DISP1: variants seen among roughly 807,000 people sequenced by gnomAD.
The protein encoded by DISP1 is dispatched RND transporter family member 1, also known as protein dispatched homolog 1.
DISP1 carries 30 observed loss-of-function variants against 37.3 expected under a neutral mutation model. The ratio of observed to expected loss-of-function variants is 0.80; its 90% confidence interval spans 0.60 to 1.09. DISP1 has a LOEUF of 1.09. Among genes scored for constraint, DISP1 ranks in the 50% least tolerant of loss-of-function variants. The probability of loss-of-function intolerance (pLI) is 0.00; values close to 1 mark genes in which losing one functional copy is unlikely to be tolerated. For synonymous variants in DISP1, 634 were observed against 690.2 expected (o/e 0.92, Z 1.28); for missense variants, 1,598 against 1,879.5 (o/e 0.85, Z 2.77).
Position 222,949,270 on chromosome 1 carries a change from T to G in DISP1, c.509+5938T>G, listed in dbSNP as rs536519002. 1.7e-3 allele frequency among the ~76,000 whole-genome samples: 257 copies of G among 152,162 alleles called. 7 individuals carry two copies. The South Asian group carries it at 0.051, about 30-fold the overall frequency. ...TTAGCCTGGTGTGGTGGTGCGCACC[T>G]GTAGTCCCAGCTACTTGGGAGGCTG... On this transcript the variant is annotated intron_variant, in intron 3 of 8. Coordinates refer to ENST00000675850, the MANE Select transcript of DISP1 (RefSeq NM_001377229.1).
chr1:222,832,853 G>C (rs34761499), intron 1 of DISP1, among the ~76,000 whole-genome samples: 2 of 151,138 alleles, frequency 1.3e-5, no homozygotes, highest in Non-Finnish European at 2.9e-5. Context: ...CCGAGGTCAC[G>C]CCACTGCACT....
rs17536730 is a variant in DISP1, at chr1:222,933,412, A to G, written c.-18+4842A>G. Among the ~76,000 whole-genome samples the G allele has an allele frequency of 2.4e-3, 369 of 152,030 alleles. 2 individuals carry two copies. Among genetic ancestry groups the G allele is most frequent in the East Asian group, 0.013 (69 of 5,188 alleles). Reference sequence around the variant, plus strand: ...AAAGGTGGTGCTTATCATAAGTTGAAACTACCCATAAATTGAATAATAAGA... The same window carrying G: ...AAAGGTGGTGCTTATCATAAGTTGAGACTACCCATAAATTGAATAATAAGA... On this transcript the variant is annotated intron_variant, in intron 2 of 8. Coordinates refer to ENST00000675850, the MANE Select transcript of DISP1 (RefSeq NM_001377229.1).
chr1:222,951,390 G>C (rs1426849387), intron 3 of DISP1, among the ~76,000 whole-genome samples: 1 of 72,232 alleles, frequency 1.4e-5, no homozygotes, highest in Non-Finnish European at 2.7e-5. Context: ...TAAGAAATGA[G>C]AATTCTCATG....
At chr1:222,943,503 C>A in intron 3 of DISP1, 171 bp downstream of exon 3, 1 of 826,138 alleles carries the variant, frequency 1.2e-6, no homozygotes, top group Non-Finnish European at 1.9e-6. Context: ...TAAAATAATA[C>A]TGTATATCGA....
intron 8 of DISP1, among the ~76,000 whole-genome samples, chr1:222,995,376 A>G (rs983665503): frequency 6.6e-6 from 1 of 152,138 alleles, no homozygotes; most frequent in Admixed American, 6.5e-5. Flanking sequence ...TAATTGTGCA[A>G]TGAAATGCCT....
intron 3 of DISP1, among the ~76,000 whole-genome samples, chr1:222,976,066 A>G (rs1042837908): frequency 1.3e-5 from 2 of 152,178 alleles, no homozygotes; most frequent in Non-Finnish European, 2.9e-5. Flanking sequence ...CAAAGAACAG[A>G]AAAATGTTCC....
At chr1:222,944,486 T>C (rs144885052) in intron 3 of DISP1, among the ~76,000 whole-genome samples, 119 of 152,300 alleles carry the variant, frequency 7.8e-4, no homozygotes, top group Middle Eastern at 3.4e-3. Flanking sequence ...TCTTTAAAAT[T>C]AGGGTATAAT....
At position 223,004,129 on chromosome 1, in the gene DISP1, G is replaced by A. The variant is rs1679695978; in HGVS notation, c.2732G>A (p.Gly911Glu). The A allele has an allele frequency of 6.2e-7, 1 of 1,614,012 alleles. No individual in the cohort carries two copies. ...TACCATTTGGATAGCAAAACCCCAGGGCCGAGGTTTGATATCAATGATACT... is the reference window on the plus strand; with the variant it reads ...TACCATTTGGATAGCAAAACCCCAGAGCCGAGGTTTGATATCAATGATACT... Reference protein sequence around the residue: ...TGYHLDSKTPGPRFDINDTIR... With the variant: ...TGYHLDSKTPEPRFDINDTIR... The change falls in exon 9 of 9, where the codon GGG (glycine) becomes GAG (glutamate). Residue 911 changes from glycine (G) to glutamate (E), a missense_variant. Coordinates refer to ENST00000675850, the MANE Select transcript of DISP1 (RefSeq NM_001377229.1). This position sits in a 1 kb window ranked among gnomAD's most constrained non-coding sequence, Gnocchi z 4.9.
chr1:222,935,537 GT>G (rs1169524552), intron 2 of DISP1, among the ~76,000 whole-genome samples: 2 of 152,136 alleles, frequency 1.3e-5, no homozygotes, highest in Non-Finnish European at 2.9e-5. Flanking sequence ...TGCCACCCCT[GT>G]TTTTCCAGAG....
Position 222,943,303 on chromosome 1 carries a change from G to A in DISP1, c.480G>A (p.Gln160=). 2 of 1,614,222 alleles carry A rather than the reference G, an allele frequency of 1.2e-6. No homozygotes were observed. The highest frequency in any genetic ancestry group is 2.2e-5 in the East Asian group (1 of 44,884). The change falls in exon 3 of 9, where the codon CAG becomes CAA. Residue 160 remains glutamine (Q), a synonymous_variant. Coordinates refer to ENST00000675850, the MANE Select transcript of DISP1 (RefSeq NM_001377229.1). ...CGTGGCCTGACCATTTTCAGCATCAGCCTGTGCAACAGCACATAGCCAACA... is the reference window on the plus strand; with the variant it reads ...CGTGGCCTGACCATTTTCAGCATCAACCTGTGCAACAGCACATAGCCAACA... ...HHPWPDHFQH[Q]PVQQHIANIR... is the part of the protein sequence containing the mutation.
At chr1:222,841,718 A>G (rs1328845746) in intron 1 of DISP1, among the ~76,000 whole-genome samples, 1 of 152,126 alleles carries the variant, frequency 6.6e-6, no homozygotes, top group Non-Finnish European at 1.5e-5. Context: ...TTTTATTTTT[A>G]AAAGTGATAT....
intron 8 of DISP1, among the ~76,000 whole-genome samples, chr1:223,000,609 G>C (rs2102786483): frequency 6.6e-6 from 1 of 152,240 alleles, no homozygotes; most frequent in African/African-American, 2.4e-5. Flanking sequence ...TACAAAAGTA[G>C]AGAAATAGTA....
At chr1:222,886,129 C>CGACACGT (rs1267986772) in intron 1 of DISP1, among the ~76,000 whole-genome samples, 1 of 152,160 alleles carries the variant, frequency 6.6e-6, no homozygotes, top group Non-Finnish European at 1.5e-5. Flanking sequence ...GACCTTTCAG[C>CGACACGT]GACACGTTTC....
At chr1:222,962,349 A>G (rs1676132142) in intron 3 of DISP1, among the ~76,000 whole-genome samples, 1 of 152,198 alleles carries the variant, frequency 6.6e-6, no homozygotes, top group Non-Finnish European at 1.5e-5. Flanking sequence ...AAATGGCCAT[A>G]CTACCCAAAG....
intron 3 of DISP1, among the ~76,000 whole-genome samples, chr1:222,961,630 A>G (rs559099886): frequency 1.1e-4 from 16 of 152,338 alleles, no homozygotes; most frequent in African/African-American, 3.6e-4. Flanking sequence ...CAAGCAGGCA[A>G]GAGAAAGAAA....
Position 222,943,305 on chromosome 1 carries a change from C to T in DISP1, c.482C>T (p.Pro161Leu). The change falls in exon 3 of 9, where the codon CCT (proline) becomes CTT (leucine). Residue 161 changes from proline to leucine, a missense_variant. Transcript: ENST00000675850. ...HPWPDHFQHQPVQQHIANIRP... is the reference protein window; with the variant it reads ...HPWPDHFQHQLVQQHIANIRP... Reference sequence around the variant, plus strand: ...TGGCCTGACCATTTTCAGCATCAGCCTGTGCAACAGCACATAGCCAACATA... The same window carrying T: ...TGGCCTGACCATTTTCAGCATCAGCTTGTGCAACAGCACATAGCCAACATA... The T allele has an allele frequency of 1.2e-6, 2 of 1,614,270 alleles. No individual in the cohort carries two copies. Among genetic ancestry groups the T allele is most frequent in the Non-Finnish European group, 1.7e-6 (2 of 1,180,052 alleles).
chr1:222,850,024 T>C (rs184426942), intron 1 of DISP1, among the ~76,000 whole-genome samples: 89 of 152,304 alleles, frequency 5.8e-4, no homozygotes, highest in African/African-American at 2.1e-3. Flanking sequence ...TGTCACTTTC[T>C]AGGCTATTGA....
intron 1 of DISP1, among the ~76,000 whole-genome samples, chr1:222,820,899 C>CT (rs1367878703): frequency 1.3e-5 from 2 of 152,072 alleles, no homozygotes; most frequent in Non-Finnish European, 2.9e-5. Flanking sequence ...AATGAGATCC[C>CT]TTTTTTCTCC....
intron 1 of DISP1, among the ~76,000 whole-genome samples, chr1:222,892,619 C>G (rs953562231): frequency 6.6e-6 from 1 of 152,148 alleles, no homozygotes; most frequent in African/African-American, 2.4e-5. Context: ...TGTTTGGTAT[C>G]TGCTACAGGC....
Sources: allele counts gnomAD v4.1 joint callset (sites outside exome capture counted in the v4.1 genomes callset), GRCh38; gene constraint gnomAD v4.1.1; non-coding constraint Gnocchi (gnomAD v3.1); transcripts MANE v1.5; gene names NCBI Gene and HGNC (gene_info 2026-07-23, HGNC 2026-07-21).